Variants in PTBP3 observed in about 807,000 individuals in gnomAD.
PTBP3 encodes the protein polypyrimidine tract binding protein 3, also known as polypyrimidine tract-binding protein 3.
In PTBP3, 20 loss-of-function variants were observed where a neutral mutation model predicts 58.7. That is an observed-to-expected ratio of 0.34 (90% CI 0.24 to 0.50). PTBP3 has a LOEUF of 0.50. Ranked by LOEUF, PTBP3 falls within the 20% of genes least tolerant of loss-of-function variation. PTBP3 has a pLI of 0.98. For synonymous variants in PTBP3, 185 were observed against 219.8 expected (o/e 0.84, Z 1.40); for missense variants, 509 against 637.2 (o/e 0.80, Z 2.17).
intron 6 of PTBP3, chr9:112,252,257 G>C (rs1836154475): frequency 1.2e-5 from 2 of 161,310 alleles, no homozygotes; most frequent in Admixed American, 1.3e-4. Flanking sequence ...AGAAGTAAAT[G>C]GTCTACAGCC....
At chr9:112,257,886 G>A (rs2132110230) in intron 5 of PTBP3, among the ~76,000 whole-genome samples, 1 of 149,110 alleles carries the variant, frequency 6.7e-6, no homozygotes, top group African/African-American at 2.4e-5. Context: ...GTTGCAGTGA[G>A]CCATGATTGC....
chr9:112,296,742 T>C (rs943242771), intron 2 of PTBP3, among the ~76,000 whole-genome samples: 1 of 152,192 alleles, frequency 6.6e-6, no homozygotes, highest in Non-Finnish European at 1.5e-5. Context: ...AATCTGAACC[T>C]GTGTCGTCCA....
the PTBP3 span, among the ~76,000 whole-genome samples, chr9:112,378,308 A>C: frequency 6.0e-3 from 917 of 152,366 alleles, 12 homozygotes; most frequent in African/African-American, 0.021. Context: ...AGCCATCGCA[A>C]AGTATAAAAA....
intron 1 of PTBP3, among the ~76,000 whole-genome samples, chr9:112,316,769 C>A (rs947439827): frequency 1.2e-4 from 18 of 150,578 alleles, no homozygotes; most frequent in Non-Finnish European, 2.5e-4. Flanking sequence ...GTCAGGAGGT[C>A]AAGAGTGGTG....
rs115583731 is a variant in PTBP3, at chr9:112,320,254, G to A, written c.-52+13216C>T. ...GATTGCACCACTGCAATACAGCCTG[G>A]GCAACAGGACGAGACCCTTTCTCTT... On this transcript the variant is annotated intron_variant, in intron 1 of 13. Coordinates refer to ENST00000374257, the MANE Select transcript of PTBP3 (RefSeq NM_001163788.4). 6.3e-3 allele frequency among the ~76,000 whole-genome samples: 825 copies of A among 131,678 alleles called. 9 individuals carry two copies. The highest frequency in any genetic ancestry group is 0.024 in the African/African-American group (777 of 32,844). 86.4% of individuals were successfully genotyped at this position (131,678 alleles called of 152,430 possible).
chr9:112,275,974 G>C lies in PTBP3; in HGVS notation c.74C>G (p.Pro25Arg). ...GAGAACACGGGAAGGCGAACAGGGA[G>C]GTCTATCTCGTTTAAATTTCTTGCT... is the stretch of plus-strand genomic sequence containing the variant. ...NDSKKFKRDR[P>R]PCSPSRVLHL... The change falls in exon 3 of 14, where the codon CCT becomes CGT. Residue 25 changes from proline (P) to arginine (R), a missense_variant. By Grantham distance (103) the Pro-to-Arg change is moderately radical. This residue lies in a region of PTBP3 where 212 missense variants were observed against 215.3 expected (regional missense o/e 0.98). Transcript: ENST00000374257. 1 of 1,613,252 alleles carries C rather than the reference G, an allele frequency of 6.2e-7. No individual in the cohort carries two copies. The highest frequency in any genetic ancestry group is 8.5e-7 in the Non-Finnish European group (1 of 1,179,484).
the PTBP3 span, among the ~76,000 whole-genome samples, chr9:112,360,534 G>A: frequency 9.2e-5 from 14 of 152,122 alleles, 1 homozygote; most frequent in Non-Finnish European, 1.9e-4. Context: ...TGTCTTGTGG[G>A]TAAAGGAAAT....
At chr9:112,371,646 A>ATTT in the PTBP3 span, among the ~76,000 whole-genome samples, 2,425 of 127,462 alleles carry the variant, frequency 0.019, 94 homozygotes, top group African/African-American at 0.063. Flanking sequence ...TTTTTAGTAG[A>ATTT]TTTTTTTTTT....
At chr9:112,238,121 C>A (rs1344539469) in intron 7 of PTBP3, among the ~76,000 whole-genome samples, 1 of 151,754 alleles carries the variant, frequency 6.6e-6, no homozygotes, top group Non-Finnish European at 1.5e-5. Flanking sequence ...CACAAAAAAA[C>A]CCAAAAAGTC....
chr9:112,356,329 A>G, the PTBP3 span, among the ~76,000 whole-genome samples: 7 of 152,024 alleles, frequency 4.6e-5, no homozygotes, highest in South Asian at 1.0e-3. Flanking sequence ...CATCTTCCAC[A>G]TACGTCTCAT....
intron 2 of PTBP3, among the ~76,000 whole-genome samples, chr9:112,288,355 T>C (rs1828234276): frequency 6.6e-6 from 1 of 152,196 alleles, no homozygotes; most frequent in African/African-American, 2.4e-5. Flanking sequence ...GGCTTAATAA[T>C]ATTCAAACAA....
In PTBP3 at chr9:112,220,497, T is replaced by A; in HGVS notation, c.*3354A>T. ...GGTGGAGCCAAAGAAGGCCTCACTG[T>A]CATAAGGGAACAGGCAGGCATAAAT... On this transcript the variant is annotated 3_prime_UTR_variant, in exon 14 of 14. Transcript: ENST00000374257. 1 of 1,053,094 alleles carries A rather than the reference T, an allele frequency of 9.5e-7. No individual in the cohort carries two copies. Among genetic ancestry groups the A allele is most frequent in the Admixed American group, 5.2e-5 (1 of 19,390 alleles). The allele number at this position is 1,053,094 out of a possible 1,614,324, so 65.2% of individuals were successfully genotyped here.
rs1263050959 is a variant in PTBP3 at position 112,221,602 on chromosome 9, T to C, written c.*2249A>G. 1 of 985,346 alleles carries C rather than the reference T, an allele frequency of 1.0e-6. No individual in the cohort carries two copies. The highest frequency in any genetic ancestry group is 1.1e-4 in the East Asian group (1 of 8,834). 61.0% of individuals were successfully genotyped at this position (985,346 alleles called of 1,614,324 possible). ...AAAGAAATTTTTTTCCTCCTTCATA[T>C]ACCCCTTGTGTCTAGGTCAAAACTT... On this transcript the variant is annotated 3_prime_UTR_variant, in exon 14 of 14. Coordinates refer to ENST00000374257, the MANE Select transcript of PTBP3 (RefSeq NM_001163788.4).
intron 2 of PTBP3, among the ~76,000 whole-genome samples, chr9:112,286,624 C>T (rs987974812): frequency 2.0e-5 from 3 of 152,132 alleles, no homozygotes; most frequent in African/African-American, 2.4e-5. Context: ...TTGCTTTTCT[C>T]ATATGTCATA....
upstream of PTBP3, among the ~76,000 whole-genome samples, chr9:112,335,740 T>C (rs1350660926): frequency 4.9e-5 from 7 of 143,226 alleles, no homozygotes; most frequent in African/African-American, 1.8e-4. Flanking sequence ...CTGGCCAACA[T>C]GGTGAAACCC....
chr9:112,340,559 T>G, the PTBP3 span, among the ~76,000 whole-genome samples: 1 of 152,230 alleles, frequency 6.6e-6, no homozygotes, highest in Non-Finnish European at 1.5e-5. Context: ...TTTTAAAATG[T>G]CATGTTATTG....
rs760710091 is a variant in PTBP3, at chr9:112,223,830, G to T, written c.*21C>A. 1 of 1,613,164 alleles carries T rather than the reference G, an allele frequency of 6.2e-7. No individual in the cohort carries two copies. ...TTACTGAAATTATGGTCCAGTTTTA[G>T]GAGAAAAATTCACAGAAAAGTCAGA... On this transcript the variant is annotated 3_prime_UTR_variant, in exon 14 of 14. Coordinates refer to ENST00000374257, the MANE Select transcript of PTBP3 (RefSeq NM_001163788.4).
At chr9:112,271,746 AAAAAAG>A (rs529811449) in intron 3 of PTBP3, among the ~76,000 whole-genome samples, 3 of 152,228 alleles carry the variant, frequency 2.0e-5, no homozygotes, top group East Asian at 1.9e-4. Context: ...CAAGAAAGAA[AAAAAAG>A]AAAAAGAAAA....
Position 112,333,550 on chromosome 9 carries a change from C to A in PTBP3, c.-132G>T. 1 of 1,537,810 alleles carries A rather than the reference C, an allele frequency of 6.5e-7. No individual in the cohort carries two copies. The highest frequency in any genetic ancestry group is 2.5e-5 in the East Asian group (1 of 39,286). On this transcript the variant is annotated 5_prime_UTR_variant, in exon 1 of 14. Coordinates refer to ENST00000374257, the MANE Select transcript of PTBP3 (RefSeq NM_001163788.4). ...GAGCAGAGGAAGCAGGCGGCGGCAG[C>A]AGGGCGGTTCCGGGGACAAGCGAGC...
Sources: allele counts gnomAD v4.1 joint callset (sites outside exome capture counted in the v4.1 genomes callset), GRCh38; gene constraint gnomAD v4.1.1; regional missense constraint gnomAD v4.1.1; transcripts MANE v1.5; gene names NCBI Gene and HGNC (gene_info 2026-07-23, HGNC 2026-07-21).